The following MED14 variants were observed in gnomAD, a reference collection of about 807,000 sequenced individuals.
The protein encoded by MED14 is mediator of RNA polymerase II transcription subunit 14.
A neutral mutation model predicts 109.0 loss-of-function variants in MED14; 8 were observed. The observed-to-expected ratio is 0.07, with a 90% confidence interval of 0.04 to 0.13. MED14 has a LOEUF of 0.13. MED14 is among the 10% of genes least tolerant of loss of function. The pLI is 1.00. For synonymous variants in MED14, 399 were observed against 408.7 expected, an observed-to-expected ratio of 0.98 and a Z score of 0.29; for missense variants, 711 against 1,142.4, an observed-to-expected ratio of 0.62 and a Z score of 5.44.
intron 21 of MED14, among the ~76,000 whole-genome samples, chrX:40,675,933 C>T (rs997921646): frequency 1.8e-5 from 2 of 112,182 alleles, no homozygotes; most frequent in Admixed American, 1.9e-4. Flanking sequence ...ACACTCCTCA[C>T]ATCCCCAGTA....
chrX:40,692,984 A>C, intron 13 of MED14, 82 bp from the exon 14 acceptor site: 1 of 696,251 alleles, frequency 1.4e-6, no homozygotes, highest in Non-Finnish European at 2.0e-6. Flanking sequence ...AGTAAGGCTC[A>C]GAATTATAAA....
intron 15 of MED14, among the ~76,000 whole-genome samples, chrX:40,688,814 A>G (rs1319951885): frequency 2.7e-5 from 3 of 112,115 alleles, no homozygotes; most frequent in Non-Finnish European, 5.6e-5. Flanking sequence ...GCAGGGAGCC[A>G]AAAGTAATCT....
chrX:40,714,326 A>G (rs977654568), intron 4 of MED14, among the ~76,000 whole-genome samples: 1 of 112,301 alleles, frequency 8.9e-6, no homozygotes, highest in Non-Finnish European at 1.9e-5. Flanking sequence ...CCTGGGGGAA[A>G]AAAAAATAAA....
chrX:40,697,047 T>C lies in MED14; in HGVS notation c.1627A>G (p.Thr543Ala), dbSNP rs918063738. ...LSKNKLFIKLTRLPQYYIVVE... is the reference protein window; with the variant it reads ...LSKNKLFIKLARLPQYYIVVE... ...ACAATGTAGTATTGTGGAAGGCGGGTAAGTTTAATGAACAGTTTATTCTTA... is the reference window on the plus strand; with the variant it reads ...ACAATGTAGTATTGTGGAAGGCGGGCAAGTTTAATGAACAGTTTATTCTTA... Residue 543 changes from threonine (T) to alanine (A), a missense_variant, in exon 13 of 31, where the codon ACC becomes GCC. This residue lies in a region of MED14 where 388 missense variants were observed against 517.3 expected (regional missense o/e 0.75). Coordinates refer to ENST00000324817, the MANE Select transcript of MED14 (RefSeq NM_004229.4). The C allele has an allele frequency of 3.4e-5, 41 of 1,202,861 alleles. No individual in the cohort carries two copies. Among genetic ancestry groups the C allele is most frequent in the Non-Finnish European group, 4.5e-5 (40 of 889,782 alleles).
chrX:40,717,476 C>T (rs750328905), intron 3 of MED14, among the ~76,000 whole-genome samples: 1 of 111,116 alleles, frequency 9.0e-6, no homozygotes, highest in African/African-American at 3.3e-5. Flanking sequence ...AAACTACCTC[C>T]CTAAAACCTT....
At chrX:40,688,737 C>A (rs757337977) in intron 15 of MED14, among the ~76,000 whole-genome samples, 2 of 111,700 alleles carry the variant, frequency 1.8e-5, no homozygotes. Context: ...TGTCCCAGTG[C>A]ATCTAGTTTA....
At chrX:40,709,210 A>G (rs997746616) in intron 10 of MED14, 138 bp downstream of exon 10, 3 of 309,760 alleles carry the variant, frequency 9.7e-6, no homozygotes, top group African/African-American at 8.2e-5. Context: ...TTGGCAGATC[A>G]CAAGTTAAAA....
At chrX:40,674,383 G>A (rs1929843305) in intron 22 of MED14, among the ~76,000 whole-genome samples, 1 of 112,276 alleles carries the variant, frequency 8.9e-6, no homozygotes, top group Non-Finnish European at 1.9e-5. Flanking sequence ...GAAAGTTGTA[G>A]TCACTAAGTA....
intron 22 of MED14, 52 bp downstream of exon 22, chrX:40,675,169 C>A: frequency 9.1e-7 from 1 of 1,098,394 alleles, no homozygotes; most frequent in East Asian, 3.4e-5. Flanking sequence ...ACCTATAGAA[C>A]CTGTGAAGTT....
At chrX:40,683,333 C>T (rs746437532) in intron 16 of MED14, among the ~76,000 whole-genome samples, 22 of 111,685 alleles carry the variant, frequency 2.0e-4, no homozygotes, top group African/African-American at 7.2e-4. Flanking sequence ...GGGACCAAAT[C>T]CTTATAAAAC....
chrX:40,727,375 G>C (rs372728874), intron 2 of MED14, among the ~76,000 whole-genome samples: 1 of 111,682 alleles, frequency 9.0e-6, no homozygotes, highest in Non-Finnish European at 1.9e-5. Flanking sequence ...AGCAATTAAA[G>C]AACTTAACTA....
intron 12 of MED14, among the ~76,000 whole-genome samples, chrX:40,699,342 G>C (rs1930837343): frequency 8.9e-6 from 1 of 112,078 alleles, no homozygotes; most frequent in South Asian, 3.7e-4. Flanking sequence ...GCAAAAGTCA[G>C]TAAATTTACT....
At chrX:40,733,106 TA>T (rs1163859233) in intron 1 of MED14, among the ~76,000 whole-genome samples, 8 of 108,513 alleles carry the variant, frequency 7.4e-5, no homozygotes, top group South Asian at 4.0e-4. Flanking sequence ...TGATTATCAA[TA>T]TTTTTTTTTT....
upstream of MED14, chrX:40,735,926 G>T (rs1043416210): frequency 1.2e-4 from 30 of 250,124 alleles, no homozygotes; most frequent in African/African-American, 8.5e-4. Context: ...GGCTGAGCCG[G>T]AGTCGTCACC....
At chrX:40,668,004 G>C (rs1235155675) in intron 23 of MED14, among the ~76,000 whole-genome samples, 1 of 111,754 alleles carries the variant, frequency 8.9e-6, no homozygotes, top group Non-Finnish European at 1.9e-5. Context: ...GCAGTGAAGA[G>C]ATCCAGAGTT....
chrX:40,682,777 G>A (rs779248660), intron 17 of MED14, 28 bp from the exon 18 acceptor site: 48 of 1,202,716 alleles, frequency 4.0e-5, no homozygotes, highest in Non-Finnish European at 5.2e-5. Flanking sequence ...AATATTAATA[G>A]TAATCGATAC....
At position 40,729,336 on chromosome X, in the gene MED14, C is replaced by T; in HGVS notation, c.225G>A (p.Arg75=). Reference sequence around the variant, plus strand: ...ATACTCACCTTTCCACATCAGATTTCCTTGGCAGTCTAAGAAGAAAAAAAA... The same window carrying T: ...ATACTCACCTTTCCACATCAGATTTTCTTGGCAGTCTAAGAAGAAAAAAAA... ...ELMVLTDLLP[R]KSDVERKIEI... The change falls in exon 2 of 31, where the codon AGG becomes AGA. Residue 75 remains arginine (R), a synonymous_variant. Transcript: ENST00000324817. 8.4e-7 allele frequency: 1 copy of T among 1,188,818 alleles called. No homozygotes were observed. The highest frequency in any genetic ancestry group is 2.4e-5 in the Admixed American group (1 of 42,428).
chrX:40,699,087 A>T (rs1461347616), intron 12 of MED14, among the ~76,000 whole-genome samples: 2 of 112,530 alleles, frequency 1.8e-5, no homozygotes. Flanking sequence ...AGTCATAAAA[A>T]GGAATGAAGT....
At chrX:40,690,728 T>C (rs1383768295) in intron 15 of MED14, among the ~76,000 whole-genome samples, 1 of 111,936 alleles carries the variant, frequency 8.9e-6, no homozygotes, top group Non-Finnish European at 1.9e-5. Context: ...TGCCTGTTTT[T>C]GTAAATGAAG....
Sources: allele counts gnomAD v4.1 joint callset (sites outside exome capture counted in the v4.1 genomes callset), GRCh38; gene constraint gnomAD v4.1.1; regional missense constraint gnomAD v4.1.1; transcripts MANE v1.5; gene names NCBI Gene and HGNC (gene_info 2026-07-23, HGNC 2026-07-21).